HSPH1: variants seen among roughly 807,000 people sequenced by gnomAD.
The protein encoded by HSPH1 is heat shock protein family H (Hsp110) member 1, also known as heat shock protein 105 kDa.
In HSPH1, 40 loss-of-function variants were observed where a neutral mutation model predicts 100.0. That is an observed-to-expected ratio of 0.40 (90% CI 0.31 to 0.52). The LOEUF is 0.52. Among genes scored for constraint, HSPH1 ranks in the 20% least tolerant of loss-of-function variants. The pLI is 0.54. For missense variants in HSPH1, 876 were observed against 1,015.1 expected, an observed-to-expected ratio of 0.86 and a Z score of 1.86; for synonymous variants, 403 against 344.0, an observed-to-expected ratio of 1.17 and a Z score of -1.90.
chr13:31,141,944 G>A (rs1956113133), intron 12 of HSPH1, among the ~76,000 whole-genome samples: 1 of 152,032 alleles, frequency 6.6e-6, no homozygotes, highest in East Asian at 1.9e-4. Flanking sequence ...AATCATTTAT[G>A]TAGGTTTTTC....
chr13:31,140,847 C>T (rs1269318586), intron 13 of HSPH1: 5 of 262,824 alleles, frequency 1.9e-5, no homozygotes, highest in African/African-American at 2.2e-5. Context: ...TTTAGTGTGC[C>T]GTGAAATTCC....
chr13:31,161,544 G>A lies in HSPH1; in HGVS notation c.39C>T (p.Cys13=), dbSNP rs1270870992. 8.7e-6 allele frequency: 14 copies of A among 1,613,758 alleles called. No individual in the cohort carries two copies. ...CCCCGGCCCGGGCTACCGCGATGTA[G>A]CAGCTCTGCGAGCCCACGTCCAACC... is the stretch of plus-strand genomic sequence containing the variant. ...VVGLDVGSQS[C]YIAVARAGGI... Residue 13 remains cysteine (C), a synonymous_variant, in exon 1 of 18, where the codon TGC becomes TGT. Transcript: ENST00000320027.
At chr13:31,161,918 C>A, upstream of HSPH1, 18 of 1,515,624 alleles carry the variant, frequency 1.2e-5, no homozygotes, top group Non-Finnish European at 1.5e-5. Context: ...AGGGGAGGTC[C>A]CACTTCCTCA....
chr13:31,159,780 T>C (rs981998022), intron 1 of HSPH1, among the ~76,000 whole-genome samples: 1 of 152,062 alleles, frequency 6.6e-6, no homozygotes, highest in Non-Finnish European at 1.5e-5. Flanking sequence ...AAGTTTAAAT[T>C]TGCTATAATA....
chr13:31,151,717 C>T lies in HSPH1; in HGVS notation c.555G>A (p.Lys185=), dbSNP rs371788974. Residue 185 remains lysine (K), a synonymous_variant, in exon 6 of 18, where the codon AAG becomes AAA. Coordinates refer to ENST00000320027, the MANE Select transcript of HSPH1 (RefSeq NM_006644.4). ...TAVALNYGIY[K]QDLPSLDEKP... ...TCTCATCCAGGCTTGGGAGATCCTG[C>T]TTATAAATTCCGTAATTCAAAGCAA... is the stretch of plus-strand genomic sequence containing the variant. The T allele has an allele frequency of 5.0e-6, 8 of 1,608,834 alleles. No individual in the cohort carries two copies. The highest frequency in any genetic ancestry group is 5.9e-6 in the Non-Finnish European group (7 of 1,178,134).
intron 8 of HSPH1, 108 bp from the exon 9 acceptor site, chr13:31,148,588 A>AC (rs942272438): frequency 6.1e-6 from 3 of 489,858 alleles, no homozygotes; most frequent in African/African-American, 4.1e-5. Flanking sequence ...AAAAAAAAAA[A>AC]AACAACTCAC....
At chr13:31,147,863 C>T in intron 10 of HSPH1, 96 bp downstream of exon 10, 1 of 1,032,622 alleles carries the variant, frequency 9.7e-7, no homozygotes. Flanking sequence ...TTCCCCTCAA[C>T]ATTACTAAGA....
intron 8 of HSPH1, among the ~76,000 whole-genome samples, chr13:31,149,049 TC>T (rs1366344060): frequency 6.6e-6 from 1 of 152,076 alleles, no homozygotes; most frequent in African/African-American, 2.4e-5. Flanking sequence ...AAAAGTCAAT[TC>T]ATCATTTACT....
At position 31,150,136 on chromosome 13, in the gene HSPH1, C is replaced by G. The variant is rs774408799; in HGVS notation, c.955G>C (p.Val319Leu). Residue 319 changes from valine to leucine, a missense_variant, in exon 8 of 18, where the codon GTA becomes CTA. Coordinates refer to ENST00000320027, the MANE Select transcript of HSPH1 (RefSeq NM_006644.4). ...LCAELLQKIE[V>L]PLYSLLEQTH... ...TGTTCCAACAGTGAATAAAGGGGTACTTCTATCTTTTGCAGAAGTTCAGCA... is the reference window on the plus strand; with the variant it reads ...TGTTCCAACAGTGAATAAAGGGGTAGTTCTATCTTTTGCAGAAGTTCAGCA... 6.2e-7 allele frequency: 1 copy of G among 1,609,600 alleles called. No individual in the cohort carries two copies. Among genetic ancestry groups the G allele is most frequent in the Non-Finnish European group, 8.5e-7 (1 of 1,176,760 alleles).
Position 31,161,578 on chromosome 13 carries a change from G to C in HSPH1, c.5C>G (p.Ser2Trp). 1.9e-6 allele frequency: 3 copies of C among 1,612,720 alleles called. No individual in the cohort carries two copies. The highest frequency in any genetic ancestry group is 2.2e-5 in the East Asian group (1 of 44,846). M[S>W]VVGLDVGSQS... Reference sequence around the variant, plus strand: ...CGAGCCCACGTCCAACCCCACCACCGACATGGCCGGCTCGCGGTCCGCCTC... The same window carrying C: ...CGAGCCCACGTCCAACCCCACCACCCACATGGCCGGCTCGCGGTCCGCCTC... The change falls in exon 1 of 18, where the codon TCG (serine) becomes TGG (tryptophan). Residue 2 changes from serine (S) to tryptophan (W), a missense_variant. Transcript: ENST00000320027.
chr13:31,156,970 G>T (rs1956721758), intron 2 of HSPH1, among the ~76,000 whole-genome samples: 1 of 152,132 alleles, frequency 6.6e-6, no homozygotes, highest in Non-Finnish European at 1.5e-5. Flanking sequence ...TTTGAAACAA[G>T]AAATAACTGT....
chr13:31,150,312 T>C (rs760801514), intron 7 of HSPH1, 130 bp from the exon 8 acceptor site: 85 of 624,306 alleles, frequency 1.4e-4, no homozygotes, highest in Non-Finnish European at 2.1e-4. Context: ...TTTAGCTGTA[T>C]TGTAGTTTAT....
chr13:31,150,203 T>C, intron 7 of HSPH1, 21 bp from the exon 8 acceptor site: 1 of 1,526,586 alleles, frequency 6.6e-7, no homozygotes, highest in Non-Finnish European at 8.9e-7. Flanking sequence ...AAAAACTTGT[T>C]TTTAGAAAAG....
At position 31,155,499 on chromosome 13, in the gene HSPH1, G is replaced by C. The variant is rs778443727; in HGVS notation, c.306+15C>G. ...AATAAGTTGGTATTTTTCTAAGGTT[G>C]CTCAATTATATTACCTTTATTCCAA... On this transcript the variant is annotated intron_variant, in intron 3 of 17. Coordinates refer to ENST00000320027, the MANE Select transcript of HSPH1 (RefSeq NM_006644.4). 1.3e-6 allele frequency: 2 copies of C among 1,586,234 alleles called. No individual in the cohort carries two copies. Among genetic ancestry groups the C allele is most frequent in the African/African-American group, 1.4e-5 (1 of 73,754 alleles).
Position 31,145,683 on chromosome 13 carries a change from G to A in HSPH1, c.1464C>T (p.Gly488=), listed in dbSNP as rs375073066. ...TAGATGCCGTAGAGATGGTGAAAAT[G>A]CCATGGGTGTTGACTCGCACTTTGA... ...VKVKVRVNTH[G]IFTISTASMV... is the part of the protein sequence containing the mutation. Residue 488 remains glycine (G), a synonymous_variant, in exon 11 of 18, where the codon GGC becomes GGT. Coordinates refer to ENST00000320027, the MANE Select transcript of HSPH1 (RefSeq NM_006644.4). The A allele has an allele frequency of 2.1e-4, 332 of 1,613,426 alleles. No homozygotes were observed. The highest frequency in any genetic ancestry group is 2.7e-4 in the Non-Finnish European group (322 of 1,179,676).
chr13:31,157,724 C>T (rs1956748866), intron 2 of HSPH1, among the ~76,000 whole-genome samples: 1 of 152,160 alleles, frequency 6.6e-6, no homozygotes, highest in Non-Finnish European at 1.5e-5. Context: ...TTTCTCTCCA[C>T]CTCCAAGGGG....
intron 2 of HSPH1, among the ~76,000 whole-genome samples, chr13:31,157,497 A>G (rs1956740421): frequency 6.6e-6 from 1 of 152,230 alleles, no homozygotes; most frequent in Non-Finnish European, 1.5e-5. Flanking sequence ...ATAAAGTGCC[A>G]ATTTCTTATT....
chr13:31,154,375 A>C (rs1956600920), intron 4 of HSPH1: 3 of 511,208 alleles, frequency 5.9e-6, no homozygotes, highest in Non-Finnish European at 7.1e-6. Flanking sequence ...TAGAATACTC[A>C]CAAATGGAAC....
At chr13:31,145,905 CAA>C (rs1218567946) in intron 10 of HSPH1, 137 bp from the exon 11 acceptor site, 1 of 683,892 alleles carries the variant, frequency 1.5e-6, no homozygotes, top group Non-Finnish European at 2.5e-6. Flanking sequence ...CACTTGAGCC[CAA>C]GAGTTTGAGA....
Sources: gnomAD v4.1 joint callset for allele counts (sites outside exome capture counted in the v4.1 genomes callset) on GRCh38, gnomAD v4.1.1 for gene constraint, MANE v1.5 for transcripts, NCBI Gene and HGNC (gene_info 2026-07-23, HGNC 2026-07-21) for gene names.